Variants in RASAL2 observed in about 807,000 individuals in gnomAD.
RASAL2 encodes the protein ras GTPase-activating protein nGAP.
RASAL2 carries 58 observed loss-of-function variants against 128.9 expected under a neutral mutation model. The ratio of observed to expected loss-of-function variants is 0.45; its 90% CI spans 0.36 to 0.56. RASAL2 has a LOEUF of 0.56. Ranked by LOEUF, RASAL2 falls within the 20% of genes least tolerant of loss-of-function variation. RASAL2 has a pLI of 0.00. For missense variants in RASAL2, 1,360 were observed against 1,601.6 expected (o/e 0.85, Z 2.57); for synonymous variants, 561 against 580.8 (o/e 0.97, Z 0.49).
intron 3 of RASAL2, among the ~76,000 whole-genome samples, 186 bp from the exon 4 acceptor site, chr1:178,389,914 T>G (rs1461951740): frequency 6.6e-6 from 1 of 152,188 alleles, no homozygotes; most frequent in African/African-American, 2.4e-5. Flanking sequence ...TTCTTAACTG[T>G]GACCAAGTCT....
intron 1 of RASAL2, among the ~76,000 whole-genome samples, chr1:178,224,252 GT>G (rs1014860258): frequency 5.2e-4 from 79 of 151,264 alleles, no homozygotes; most frequent in African/African-American, 1.9e-3. Context: ...ATATTTAAAG[GT>G]GTTCATTATG....
At chr1:178,191,803 C>G (rs1411206134) in intron 1 of RASAL2, among the ~76,000 whole-genome samples, 1 of 151,968 alleles carries the variant, frequency 6.6e-6, no homozygotes, top group African/African-American at 2.4e-5. Flanking sequence ...GTTTGTGGCA[C>G]ACAGACAATA....
chr1:178,371,790 T>C (rs948643403), intron 3 of RASAL2, among the ~76,000 whole-genome samples: 3 of 152,242 alleles, frequency 2.0e-5, no homozygotes, highest in African/African-American at 7.2e-5. Flanking sequence ...TTTTGTTTGA[T>C]ATTTTTTACT....
chr1:178,256,881 C>T (rs1252233457), intron 1 of RASAL2, among the ~76,000 whole-genome samples: 1 of 151,996 alleles, frequency 6.6e-6, no homozygotes, highest in Non-Finnish European at 1.5e-5. Context: ...ACCGTGTTGC[C>T]CAGGCTGGTC....
chr1:178,370,353 G>A (rs1671630368), intron 3 of RASAL2, among the ~76,000 whole-genome samples: 1 of 152,124 alleles, frequency 6.6e-6, no homozygotes, highest in African/African-American at 2.4e-5. Context: ...CAGAGCTCCA[G>A]GGATACTGGT....
At chr1:178,236,588 TAAAAAACAAAGGAAAAC>T (rs1307342799) in intron 1 of RASAL2, among the ~76,000 whole-genome samples, 1 of 152,066 alleles carries the variant, frequency 6.6e-6, no homozygotes, top group African/African-American at 2.4e-5. Flanking sequence ...AAGGAAGTCT[TAAAAAACAAAGGAAAAC>T]AAAAAACAGA....
chr1:178,255,460 A>G (rs1201687752), intron 1 of RASAL2, among the ~76,000 whole-genome samples: 6 of 152,170 alleles, frequency 3.9e-5, no homozygotes, highest in Non-Finnish European at 4.4e-5. Flanking sequence ...GTGGGAATAA[A>G]GCTGTATTGG....
chr1:178,141,989 G>A (rs767892528), intron 1 of RASAL2, among the ~76,000 whole-genome samples: 57 of 152,122 alleles, frequency 3.7e-4, no homozygotes, highest in Non-Finnish European at 6.2e-4. Flanking sequence ...GCTACTGGTA[G>A]TACAGCAGCA....
chr1:178,331,465 G>T (rs991697814), intron 3 of RASAL2, among the ~76,000 whole-genome samples: 1 of 151,514 alleles, frequency 6.6e-6, no homozygotes, highest in African/African-American at 2.4e-5. Flanking sequence ...AAAATGTGTA[G>T]TAATCTATTT....
intron 3 of RASAL2, among the ~76,000 whole-genome samples, chr1:178,310,372 A>G (rs1668183385): frequency 6.6e-6 from 1 of 152,218 alleles, no homozygotes; most frequent in Admixed American, 6.5e-5. Flanking sequence ...AGTTTGCATT[A>G]TTAGCCAATT....
At chr1:178,297,620 A>G (rs1386039113) in intron 2 of RASAL2, among the ~76,000 whole-genome samples, 1 of 151,686 alleles carries the variant, frequency 6.6e-6, no homozygotes, top group Admixed American at 6.6e-5. Flanking sequence ...AAAAAAAAAA[A>G]AAAAAAAACT....
intron 1 of RASAL2, among the ~76,000 whole-genome samples, chr1:178,272,530 A>T (rs762488960): frequency 4.0e-5 from 6 of 151,886 alleles, no homozygotes; most frequent in South Asian, 2.1e-4. Context: ...TTTCTTCCTT[A>T]TGTTCATTCT....
rs145976690 is a variant in RASAL2, at chr1:178,454,505, G to A, written c.2068G>A (p.Gly690Ser). Residue 690 changes from glycine to serine, a missense_variant, in exon 12 of 18, where the codon GGT becomes AGT. Coordinates refer to ENST00000367649, the MANE Select transcript of RASAL2 (RefSeq NM_170692.4). ...GAATGATTTTTTAGAACATGAATGG[G>A]GTGGAATGAAGCGCTTTCTTTTGGA... Reference protein sequence around the residue: ...FMNDFLEHEWGGMKRFLLEIS... With the variant: ...FMNDFLEHEWSGMKRFLLEIS... 2 of 1,613,678 alleles carry A rather than the reference G, an allele frequency of 1.2e-6. No homozygotes were observed. Among genetic ancestry groups the A allele is most frequent in the African/African-American group, 1.3e-5 (1 of 74,998 alleles).
intron 1 of RASAL2, among the ~76,000 whole-genome samples, chr1:178,232,261 A>C (rs1571669371): frequency 6.6e-6 from 1 of 152,206 alleles, no homozygotes; most frequent in Non-Finnish European, 1.5e-5. Context: ...CTTGGCATTC[A>C]TGATCTTGGT....
intron 1 of RASAL2, among the ~76,000 whole-genome samples, chr1:178,264,934 T>G (rs1665876162): frequency 2.0e-5 from 3 of 152,012 alleles, no homozygotes; most frequent in Non-Finnish European, 4.4e-5. Flanking sequence ...CCACTAAGAG[T>G]CAACTCATTA....
intron 5 of RASAL2, among the ~76,000 whole-genome samples, chr1:178,433,291 C>A (rs1676043496): frequency 6.6e-6 from 1 of 152,084 alleles, no homozygotes; most frequent in Non-Finnish European, 1.5e-5. Context: ...CTGTTTTCTC[C>A]AAGAAGTCTT....
chr1:178,259,038 G>T (rs1285502970), intron 1 of RASAL2, among the ~76,000 whole-genome samples: 1 of 151,596 alleles, frequency 6.6e-6, no homozygotes, highest in Non-Finnish European at 1.5e-5. Flanking sequence ...CCAGACTATG[G>T]AAATATAGAG....
rs1663228056 is a variant in RASAL2, at chr1:178,210,821, G to A, written c.203-72743G>A. Among the ~76,000 whole-genome samples, 5 of 152,232 alleles carry A rather than the reference G, an allele frequency of 3.3e-5. No homozygotes were observed. In the South Asian group the frequency reaches 1.0e-3, roughly 32 times the overall value. On this transcript the variant is annotated intron_variant, in intron 1 of 17. Coordinates refer to ENST00000367649, the MANE Select transcript of RASAL2 (RefSeq NM_170692.4). The stretch of plus-strand genomic sequence containing the variant: ...ATGCATTTCTCTTAATAAAATTTTT[G>A]TTTGCTCTGTCCAAACACCAAGGGC...
chr1:178,204,214 A>C (rs1484766858), intron 1 of RASAL2, among the ~76,000 whole-genome samples: 1 of 152,104 alleles, frequency 6.6e-6, no homozygotes, highest in Non-Finnish European at 1.5e-5. Context: ...TGGGTTGGGG[A>C]TTGGTGCGTC....
Sources: allele counts gnomAD v4.1 joint callset (sites outside exome capture counted in the v4.1 genomes callset), GRCh38; gene constraint gnomAD v4.1.1; transcripts MANE v1.5; gene names NCBI Gene and HGNC (gene_info 2026-07-23, HGNC 2026-07-21).